Variants in SLC4A4 observed in about 807,000 individuals in gnomAD.
SLC4A4 encodes the protein solute carrier family 4 member 4, also known as electrogenic sodium bicarbonate cotransporter 1.
In SLC4A4, 27 loss-of-function variants were observed where a neutral mutation model predicts 111.5. That is an observed-to-expected ratio of 0.24 (90% CI 0.18 to 0.33). The LOEUF is 0.33. SLC4A4 is among the 10% of genes least tolerant of loss of function. The probability of loss-of-function intolerance (pLI) is 1.00; values close to 1 mark genes in which losing one functional copy is unlikely to be tolerated. For missense variants in SLC4A4, 909 were observed against 1,315.5 expected, an observed-to-expected ratio of 0.69 and a Z score of 4.78; for synonymous variants, 443 against 463.4, an observed-to-expected ratio of 0.96 and a Z score of 0.57.
intron 7 of SLC4A4, among the ~76,000 whole-genome samples, chr4:71,401,480 A>G (rs1042248725): frequency 6.6e-6 from 1 of 152,202 alleles, no homozygotes; most frequent in Non-Finnish European, 1.5e-5. Context: ...ATCTACATAA[A>G]TAATCTCTTC....
chr4:71,293,739 G>A (rs1288227227), intron 3 of SLC4A4, among the ~76,000 whole-genome samples: 2 of 152,134 alleles, frequency 1.3e-5, no homozygotes, highest in Non-Finnish European at 2.9e-5. Context: ...GGGGCTTCAG[G>A]TCCAGTTAGA....
At chr4:71,417,339 G>T (rs1177174570) in intron 7 of SLC4A4, among the ~76,000 whole-genome samples, 2 of 152,246 alleles carry the variant, frequency 1.3e-5, no homozygotes, top group African/African-American at 2.4e-5. Context: ...CAGGGAAGGT[G>T]GGGGGTAGTC....
At chr4:71,081,702 T>C (rs2148934860) in intron 1 of SLC4A4, among the ~76,000 whole-genome samples, 1 of 152,250 alleles carries the variant, frequency 6.6e-6, no homozygotes, top group East Asian at 1.9e-4. Flanking sequence ...ACTGATCTAG[T>C]TGGAACTCTG....
Position 71,567,936 on chromosome 4 carries a change from T to G in SLC4A4, c.*185T>G. On this transcript the variant is annotated 3_prime_UTR_variant, in exon 26 of 26. Transcript: ENST00000264485. ...AAACTGACATTTGTTGTTAATGTCA[T>G]TTGTTTTTGTTTGGCTGTTTGTTTA... 8.9e-7 allele frequency: 1 copy of G among 1,120,336 alleles called. No individual in the cohort carries two copies. 69.4% of individuals were successfully genotyped at this position (1,120,336 alleles called of 1,614,324 possible). A position where few individuals can be genotyped will look rare whatever the true frequency, so the allele number is the denominator to read the frequency against.
At chr4:71,459,841 A>G (rs1381917065) in intron 12 of SLC4A4, among the ~76,000 whole-genome samples, 2 of 152,068 alleles carry the variant, frequency 1.3e-5, no homozygotes, top group Admixed American at 6.6e-5. Flanking sequence ...ATTTTGTCCC[A>G]TATTCTCATT....
chr4:71,259,065 G>A (rs1257234859), intron 3 of SLC4A4, among the ~76,000 whole-genome samples: 2 of 152,132 alleles, frequency 1.3e-5, no homozygotes, highest in Non-Finnish European at 2.9e-5. Flanking sequence ...GGAGTTTGAA[G>A]CTGTAGTGCT....
At chr4:71,524,067 TG>T (rs1733201414) in intron 16 of SLC4A4, among the ~76,000 whole-genome samples, 1 of 152,134 alleles carries the variant, frequency 6.6e-6, no homozygotes, top group Admixed American at 6.6e-5. Context: ...ACTTGCCATC[TG>T]GAGCTACACA....
At chr4:71,264,641 T>C (rs1338193471) in intron 3 of SLC4A4, among the ~76,000 whole-genome samples, 1 of 152,128 alleles carries the variant, frequency 6.6e-6, no homozygotes, top group African/African-American at 2.4e-5. Context: ...TCACCCAGTA[T>C]CCAGAACACA....
intron 6 of SLC4A4, 81 bp from the exon 7 acceptor site, chr4:71,397,496 T>C: frequency 8.6e-7 from 1 of 1,160,094 alleles, no homozygotes. Flanking sequence ...CATCATCTAC[T>C]AATGTTTATT....
chr4:71,446,113 A>G (rs1725204587), intron 8 of SLC4A4, among the ~76,000 whole-genome samples: 1 of 152,140 alleles, frequency 6.6e-6, no homozygotes, highest in South Asian at 2.1e-4. Flanking sequence ...TGAGTATTCA[A>G]ACTTTCAGAC....
intron 17 of SLC4A4, among the ~76,000 whole-genome samples, chr4:71,532,468 T>C (rs1734020314): frequency 6.6e-6 from 1 of 152,120 alleles, no homozygotes; most frequent in Non-Finnish European, 1.5e-5. Flanking sequence ...TTGATCTATA[T>C]AATGACTCTG....
intron 6 of SLC4A4, among the ~76,000 whole-genome samples, chr4:71,371,879 C>T (rs1456679184): frequency 3.3e-5 from 5 of 152,190 alleles, no homozygotes; most frequent in Admixed American, 2.6e-4. Flanking sequence ...GATACTCCAT[C>T]ATTTCATTAA....
chr4:71,168,061 G>A (rs1311413759), intron 2 of SLC4A4, among the ~76,000 whole-genome samples: 1 of 151,340 alleles, frequency 6.6e-6, no homozygotes, highest in Non-Finnish European at 1.5e-5. Flanking sequence ...TATATTTATA[G>A]GTTACATAAA....
chr4:71,064,583 A>G (rs1034658699), intron 1 of SLC4A4, among the ~76,000 whole-genome samples: 2 of 152,198 alleles, frequency 1.3e-5, no homozygotes, highest in African/African-American at 4.8e-5. Context: ...TAAAAATTAA[A>G]AGCAATGCAG....
intron 2 of SLC4A4, among the ~76,000 whole-genome samples, chr4:71,149,890 T>C (rs149828838): frequency 1.3e-5 from 2 of 152,300 alleles, no homozygotes; most frequent in East Asian, 3.9e-4. Context: ...CTAAATCCAA[T>C]TAGCCATCTG....
intron 22 of SLC4A4, 77 bp downstream of exon 22, chr4:71,557,962 A>G: frequency 1.6e-6 from 2 of 1,282,120 alleles, no homozygotes; most frequent in African/African-American, 2.9e-5. Context: ...GAAGACACAC[A>G]TGTCTTTTAT....
At chr4:71,089,186 C>T (rs1056518629) in intron 1 of SLC4A4, among the ~76,000 whole-genome samples, 13 of 152,004 alleles carry the variant, frequency 8.6e-5, no homozygotes, top group African/African-American at 9.7e-5. Context: ...TCCAGGTGAT[C>T]GATCGGCTAC....
intron 3 of SLC4A4, chr4:71,300,123 C>A: frequency 6.3e-6 from 1 of 159,200 alleles, no homozygotes. Context: ...CCTGACTCCT[C>A]TCACTTCTCC....
At chr4:71,438,594 A>G (rs1165224510) in intron 7 of SLC4A4, among the ~76,000 whole-genome samples, 1 of 152,336 alleles carries the variant, frequency 6.6e-6, no homozygotes, top group South Asian at 2.1e-4. Flanking sequence ...AGAAGTCCTC[A>G]ATTATCTGCT....
Sources: allele counts gnomAD v4.1 joint callset (sites outside exome capture counted in the v4.1 genomes callset), GRCh38; gene constraint gnomAD v4.1.1; transcripts MANE v1.5; gene names NCBI Gene and HGNC (gene_info 2026-07-23, HGNC 2026-07-21).